The following DAB1 variants were observed in gnomAD, a reference collection of about 807,000 sequenced individuals.
DAB1 encodes the protein disabled homolog 1.
DAB1 carries 15 observed loss-of-function variants against 64.6 expected under a neutral mutation model. That is an observed-to-expected ratio of 0.23 (90% CI 0.16 to 0.36). DAB1 has a LOEUF of 0.36. DAB1 is among the 10% of genes least tolerant of loss of function. The probability of loss-of-function intolerance (pLI) is 1.00; values close to 1 mark genes in which losing one functional copy is unlikely to be tolerated. For synonymous variants in DAB1, 235 were observed against 251.9 expected, an observed-to-expected ratio of 0.93 and a Z score of 0.64; for missense variants, 596 against 706.7, an observed-to-expected ratio of 0.84 and a Z score of 1.78.
At chr1:57,220,670 G>A (rs1466461257) in intron 2 of DAB1, among the ~76,000 whole-genome samples, 5 of 152,152 alleles carry the variant, frequency 3.3e-5, no homozygotes, top group African/African-American at 4.8e-5. Context: ...ATCACTGATC[G>A]TCAGAGAAAT....
intron 7 of DAB1, among the ~76,000 whole-genome samples, chr1:57,577,989 G>A (rs1420389550): frequency 6.6e-6 from 1 of 152,176 alleles, no homozygotes; most frequent in African/African-American, 2.4e-5. Flanking sequence ...GTCCCCAGCT[G>A]GGGTCAACAG....
At chr1:57,859,450 T>C (rs1653907717) in intron 1 of DAB1, among the ~76,000 whole-genome samples, 1 of 152,170 alleles carries the variant, frequency 6.6e-6, no homozygotes, top group African/African-American at 2.4e-5. Context: ...AAACCCCCCA[T>C]ATTTTCAACA....
intron 7 of DAB1, among the ~76,000 whole-genome samples, chr1:57,622,019 G>C (rs1402887239): frequency 6.6e-6 from 1 of 152,202 alleles, no homozygotes; most frequent in African/African-American, 2.4e-5. Flanking sequence ...GTGATGCAAT[G>C]TGTGATAAGA....
intron 5 of DAB1, among the ~76,000 whole-genome samples, chr1:58,043,191 C>T (rs1314008992): frequency 6.6e-6 from 1 of 152,170 alleles, no homozygotes; most frequent in Non-Finnish European, 1.5e-5. Context: ...GACCAAAATT[C>T]TCTGTCCCTT....
chr1:58,490,342 G>A (rs558070860), intron 3 of DAB1, among the ~76,000 whole-genome samples: 10 of 152,318 alleles, frequency 6.6e-5, no homozygotes, highest in South Asian at 2.1e-4. Context: ...AAAGGTATCA[G>A]TGATGGAAGA....
At position 57,015,117 on chromosome 1, in the gene DAB1, C is replaced by T. The variant is rs140890845; in HGVS notation, c.1210G>A (p.Asp404Asn). Residue 404 changes from aspartate to asparagine, a missense_variant, in exon 12 of 15, where the codon GAC becomes AAC. Physicochemically the swap from Asp to Asn is conservative, Grantham distance 23 (BLOSUM62 1). Coordinates refer to ENST00000371236, the MANE Select transcript of DAB1 (RefSeq NM_001365792.1). The stretch of plus-strand genomic sequence containing the variant: ...TTGCCCATTTTCTGCCTGGGCTTGT[C>T]GGTCTGTGGACTTGACCTGGTGGAG... ...SDSTRSSPQT[D>N]KPRQKMGKET... The T allele has an allele frequency of 3.7e-6, 6 of 1,614,028 alleles. No homozygotes were observed. The African/African-American group carries it at 5.3e-5, about 14-fold the overall frequency.
At chr1:57,938,909 T>C (rs1316256694) in intron 5 of DAB1, among the ~76,000 whole-genome samples, 3 of 152,040 alleles carry the variant, frequency 2.0e-5, no homozygotes, top group South Asian at 2.1e-4. Context: ...GCTTGCTCAA[T>C]GCTGAGCCAA....
chr1:57,988,126 G>A (rs889633833), intron 5 of DAB1, among the ~76,000 whole-genome samples: 3 of 152,106 alleles, frequency 2.0e-5, no homozygotes, highest in African/African-American at 7.2e-5. Context: ...CCTGGAGGAG[G>A]TCCTGACCAC....
chr1:57,169,164 AC>A (rs1292087006), intron 2 of DAB1, among the ~76,000 whole-genome samples: 4 of 152,180 alleles, frequency 2.6e-5, no homozygotes, highest in Non-Finnish European at 5.9e-5. Context: ...ATACAAAACA[AC>A]TTTTTCTAAA....
At chr1:57,437,210 T>A (rs1044017579) in intron 7 of DAB1, among the ~76,000 whole-genome samples, 2 of 151,994 alleles carry the variant, frequency 1.3e-5, no homozygotes, top group Non-Finnish European at 2.9e-5. Context: ...CCTGGAAGAG[T>A]TCTTGTCCAC....
chr1:57,740,737 C>T (rs528665031), intron 6 of DAB1, among the ~76,000 whole-genome samples: 11 of 152,202 alleles, frequency 7.2e-5, no homozygotes, highest in South Asian at 4.1e-4. Context: ...TAGATGTCGG[C>T]GATTCTGATT....
At chr1:57,138,985 G>C (rs1038209347) in intron 3 of DAB1, among the ~76,000 whole-genome samples, 1 of 152,136 alleles carries the variant, frequency 6.6e-6, no homozygotes, top group Non-Finnish European at 1.5e-5. Flanking sequence ...GAAGGAAAGT[G>C]ACTTTCCCTC....
At chr1:57,880,213 C>T (rs1022056988) in intron 1 of DAB1, 1 of 151,980 alleles carries the variant, frequency 6.6e-6, no homozygotes, top group Admixed American at 6.6e-5. Context: ...TGGTTGCCTG[C>T]TCTGCTACAA....
At chr1:58,138,204 C>A (rs1384864178) in intron 5 of DAB1, among the ~76,000 whole-genome samples, 1 of 152,132 alleles carries the variant, frequency 6.6e-6, no homozygotes, top group African/African-American at 2.4e-5. Context: ...TATACCTTCA[C>A]TTCATGGGCA....
intron 5 of DAB1, among the ~76,000 whole-genome samples, chr1:58,014,230 G>A (rs1198842695): frequency 2.0e-5 from 3 of 152,116 alleles, no homozygotes; most frequent in Non-Finnish European, 2.9e-5. Context: ...TTTCTATTGT[G>A]TCATTAAATA....
chr1:57,289,956 C>A (rs186064150), intron 2 of DAB1, among the ~76,000 whole-genome samples: 3 of 152,140 alleles, frequency 2.0e-5, no homozygotes, highest in South Asian at 2.1e-4. Context: ...CCAGAAAACA[C>A]GAAAAGTGAC....
intron 4 of DAB1, among the ~76,000 whole-genome samples, chr1:58,218,033 T>G (rs1046090820): frequency 6.6e-5 from 10 of 151,848 alleles, no homozygotes; most frequent in African/African-American, 2.4e-4. Flanking sequence ...TACATATAAT[T>G]ATGTATGTAT....
At chr1:57,091,286 T>G (rs17114977) in intron 4 of DAB1, among the ~76,000 whole-genome samples, 3,831 of 152,250 alleles carry the variant, frequency 0.025, 160 homozygotes, top group African/African-American at 0.087. Flanking sequence ...CTTTCCTGTT[T>G]TGATTTAAAA....
At chr1:58,306,823 CCT>C (rs1161738370) in intron 4 of DAB1, among the ~76,000 whole-genome samples, 53 of 152,320 alleles carry the variant, frequency 3.5e-4, no homozygotes, top group African/African-American at 1.2e-3. Flanking sequence ...GTCTCTCTCC[CCT>C]GTCTCACTTT....
Sources: gnomAD v4.1 joint callset for allele counts (sites outside exome capture counted in the v4.1 genomes callset) on GRCh38, gnomAD v4.1.1 for gene constraint, MANE v1.5 for transcripts, NCBI Gene and HGNC (gene_info 2026-07-23, HGNC 2026-07-21) for gene names.